MAN2A1: variants seen among roughly 807,000 people sequenced by gnomAD.
MAN2A1 encodes the protein mannosidase alpha class 2A member 1.
In MAN2A1, 76 loss-of-function variants were observed where a neutral mutation model predicts 142.6. The ratio of observed to expected loss-of-function variants is 0.53; its 90% confidence interval spans 0.44 to 0.65. The LOEUF (loss-of-function observed/expected upper bound fraction) is 0.65, where lower values mean the gene tolerates loss of function less well. MAN2A1 is among the 30% of genes least tolerant of loss of function. The pLI, the probability that MAN2A1 is intolerant of heterozygous loss-of-function variation, is 0.00. For missense variants in MAN2A1, 1,311 were observed against 1,365.1 expected, an observed-to-expected ratio of 0.96 and a Z score of 0.62; for synonymous variants, 559 against 473.2, an observed-to-expected ratio of 1.18 and a Z score of -2.35.
At chr5:109,846,725 A>G (rs1250439606) in intron 18 of MAN2A1, among the ~76,000 whole-genome samples, 3 of 152,166 alleles carry the variant, frequency 2.0e-5, no homozygotes, top group African/African-American at 4.8e-5. Flanking sequence ...GTGTCCTTTG[A>G]CACAAGCCCA....
In MAN2A1 at chr5:109,833,346, C is replaced by T. The variant is rs570873682; in HGVS notation, c.2567-8982C>T. On this transcript the variant is annotated intron_variant, in intron 16 of 21. Transcript: ENST00000261483. ...CTGGGAGGTGGAGGTTGTAGCGAGC[C>T]GAGATCACGCCACTGCACTCCAGCC... Among the ~76,000 whole-genome samples, 164 of 152,190 alleles carry T rather than the reference C, an allele frequency of 1.1e-3. 1 individual carries two copies. Among genetic ancestry groups the T allele is most frequent in the African/African-American group, 3.7e-3 (152 of 41,524 alleles).
rs201432889 is a variant in MAN2A1 at position 109,738,772 on chromosome 5, CT to C, written c.707+9262del. On this transcript the variant is annotated intron_variant, in intron 4 of 21. Transcript: ENST00000261483. Reference sequence around the variant, plus strand: ...GTGCTTTTTTAACTTTTATTTGAGACTTTGAGTATTTCTCCTGGATACCATA... The same window carrying C: ...GTGCTTTTTTAACTTTTATTTGAGACTTGAGTATTTCTCCTGGATACCATA... Among the ~76,000 whole-genome samples, 944 of 152,226 alleles carry C rather than the reference CT, an allele frequency of 6.2e-3. 12 individuals are homozygous for C. Among genetic ancestry groups the C allele is most frequent in the African/African-American group, 0.022 (896 of 41,538 alleles).
rs1356001840 is a variant in MAN2A1 at position 109,869,350 on chromosome 5, T to G, written c.*2352T>G. The G allele has an allele frequency of 1.3e-5, 2 of 152,202 alleles. No homozygotes were observed. Among genetic ancestry groups the G allele is most frequent in the Non-Finnish European group, 2.9e-5 (2 of 68,032 alleles). The allele number at this position is 152,202 out of a possible 1,614,324, so 9.4% of individuals were successfully genotyped here. Reference sequence around the variant, plus strand: ...TTAGTTTGAGTTTGTGACTGCAGTGTTCAAGAACTCAGCATCCTTGTTTTC... The same window carrying G: ...TTAGTTTGAGTTTGTGACTGCAGTGGTCAAGAACTCAGCATCCTTGTTTTC... On this transcript the variant is annotated 3_prime_UTR_variant, in exon 22 of 22. Coordinates refer to ENST00000261483, the MANE Select transcript of MAN2A1 (RefSeq NM_002372.4).
At chr5:109,819,480 T>G (rs1754563064) in intron 13 of MAN2A1, among the ~76,000 whole-genome samples, 189 bp from the exon 14 acceptor site, 3 of 152,158 alleles carry the variant, frequency 2.0e-5, no homozygotes, top group Admixed American at 2.0e-4. Context: ...TGTTTTTTGT[T>G]TTTTTTTCAA....
At position 109,868,823 on chromosome 5, in the gene MAN2A1, G is replaced by T. The variant is rs1258100769; in HGVS notation, c.*1825G>T. 1 of 152,176 alleles carries T rather than the reference G, an allele frequency of 6.6e-6. No individual in the cohort carries two copies. The highest frequency in any genetic ancestry group is 6.5e-5 in the Admixed American group (1 of 15,280). The allele number at this position is 152,176 out of a possible 1,614,324, so 9.4% of individuals were successfully genotyped here. On this transcript the variant is annotated 3_prime_UTR_variant, in exon 22 of 22. Transcript: ENST00000261483. ...TAGGGTTGCCAGAAGCAAATCCCAG[G>T]AATGAGATCAGTATTTTCATTGCAT...
chr5:109,779,285 A>C (rs920269949), intron 8 of MAN2A1, among the ~76,000 whole-genome samples: 1 of 152,158 alleles, frequency 6.6e-6, no homozygotes, highest in African/African-American at 2.4e-5. Flanking sequence ...AAACTAATTG[A>C]AATATTTTCA....
chr5:109,737,579 T>C (rs1256631442), intron 4 of MAN2A1, among the ~76,000 whole-genome samples: 1 of 152,140 alleles, frequency 6.6e-6, no homozygotes, highest in African/African-American at 2.4e-5. Context: ...GTTTTTATCT[T>C]CGTACAGTCA....
chr5:109,712,795 C>A (rs914993539), intron 1 of MAN2A1, among the ~76,000 whole-genome samples: 1 of 152,060 alleles, frequency 6.6e-6, no homozygotes, highest in Admixed American at 6.5e-5. Flanking sequence ...TAAATGAGTA[C>A]CTTCTATGTA....
intron 5 of MAN2A1, among the ~76,000 whole-genome samples, chr5:109,759,947 CTA>C (rs141976116): frequency 0.056 from 5,818 of 104,136 alleles, 130 homozygotes; most frequent in African/African-American, 0.11. Context: ...TGAATTGTTG[CTA>C]TATATATATA....
At chr5:109,726,259 A>G (rs1370957) in intron 3 of MAN2A1, among the ~76,000 whole-genome samples, 26,691 of 152,118 alleles carry the variant, frequency 0.18, 3,296 homozygotes, top group East Asian at 0.64. Context: ...ATAAAATACT[A>G]TATTTCTGGT....
At chr5:109,810,293 T>C (rs1754281519) in intron 12 of MAN2A1, among the ~76,000 whole-genome samples, 1 of 152,200 alleles carries the variant, frequency 6.6e-6, no homozygotes, top group Non-Finnish European at 1.5e-5. Flanking sequence ...GCATAAAATT[T>C]AGAGAGACTC....
At chr5:109,752,297 T>C (rs1752567858) in intron 4 of MAN2A1, among the ~76,000 whole-genome samples, 1 of 152,200 alleles carries the variant, frequency 6.6e-6, no homozygotes, top group Non-Finnish European at 1.5e-5. Context: ...TCTTTCTATT[T>C]TATTTTGCAA....
Position 109,774,860 on chromosome 5 carries a change from A to G in MAN2A1, c.1269A>G (p.Leu423=), listed in dbSNP as rs1336234273. 4.3e-6 allele frequency: 7 copies of G among 1,612,480 alleles called. No homozygotes were observed. Among genetic ancestry groups the G allele is most frequent in the Admixed American group, 1.7e-5 (1 of 59,866 alleles). The stretch of plus-strand genomic sequence containing the variant: ...GTACCAAAGTTCTCCTGGCTCCACT[A>G]GGAGATGATTTCCGCTACTGTGAAT... ...LFRTKVLLAP[L]GDDFRYCEYT... Residue 423 remains leucine, a synonymous_variant, in exon 8 of 22, where the codon CTA becomes CTG. Transcript: ENST00000261483.
In MAN2A1 at chr5:109,845,926, C is replaced by G; in HGVS notation, c.2762C>G (p.Thr921Arg). Residue 921 changes from threonine to arginine, a missense_variant, in exon 18 of 22, where the codon ACA (threonine) becomes AGA (arginine). Thr to Arg is a moderately conservative substitution (Grantham distance 71, BLOSUM62 -1). Transcript: ENST00000261483. Reference sequence around the variant, plus strand: ...CAAGCAAATGTCTATCCCATGACCACAATGGCCTATATCCAGGATGCCAAA... The same window carrying G: ...CAAGCAAATGTCTATCCCATGACCAGAATGGCCTATATCCAGGATGCCAAA... Reference protein sequence around the residue: ...PLQANVYPMTTMAYIQDAKHR... With the variant: ...PLQANVYPMTRMAYIQDAKHR... 1 of 1,613,758 alleles carries G rather than the reference C, an allele frequency of 6.2e-7. No homozygotes were observed. Among genetic ancestry groups the G allele is most frequent in the Non-Finnish European group, 8.5e-7 (1 of 1,179,732 alleles).
At chr5:109,863,490 T>TA (rs1252370262) in intron 20 of MAN2A1, 1 of 152,206 alleles carries the variant, frequency 6.6e-6, no homozygotes, top group Non-Finnish European at 1.5e-5. Flanking sequence ...GAACCACTCT[T>TA]ACTACACAGC....
intron 15 of MAN2A1, among the ~76,000 whole-genome samples, chr5:109,821,380 T>TG (rs1226162971): frequency 6.6e-6 from 1 of 152,236 alleles, no homozygotes; most frequent in Non-Finnish European, 1.5e-5. Context: ...AAGCTTTCTT[T>TG]GTAGCATTCA....
chr5:109,755,001 C>G (rs1289879053), intron 4 of MAN2A1, among the ~76,000 whole-genome samples: 1 of 152,110 alleles, frequency 6.6e-6, no homozygotes, highest in East Asian at 1.9e-4. Context: ...AACTCTGTCT[C>G]AAATAAATAA....
chr5:109,856,406 C>T (rs1173819336), intron 20 of MAN2A1, among the ~76,000 whole-genome samples: 5 of 152,282 alleles, frequency 3.3e-5, no homozygotes, highest in South Asian at 4.1e-4. Context: ...AAAGCACCTT[C>T]AGGCTTCCAA....
chr5:109,693,730 T>C (rs778611602), intron 1 of MAN2A1, among the ~76,000 whole-genome samples: 1 of 152,134 alleles, frequency 6.6e-6, no homozygotes, highest in Non-Finnish European at 1.5e-5. Context: ...CTCTAAGATA[T>C]TCTTTGGAAG....
Sources: gnomAD v4.1 joint callset for allele counts (sites outside exome capture counted in the v4.1 genomes callset) on GRCh38, gnomAD v4.1.1 for gene constraint, MANE v1.5 for transcripts, NCBI Gene and HGNC (gene_info 2026-07-23, HGNC 2026-07-21) for gene names.